The following CDH2 variants were observed in gnomAD, a reference collection of about 807,000 sequenced individuals.
The protein encoded by CDH2 is cadherin-2.
Under a neutral mutation model 92.0 loss-of-function variants are expected in CDH2, and 17 were observed. The ratio of observed to expected loss-of-function variants is 0.18; its 90% confidence interval spans 0.13 to 0.28. CDH2 has a LOEUF of 0.28. Ranked by LOEUF, CDH2 falls within the 10% of genes least tolerant of loss-of-function variation. CDH2 has a pLI of 1.00. For synonymous variants in CDH2, 419 were observed against 415.9 expected (o/e 1.01, Z -0.09); for missense variants, 862 against 1,133.1 (o/e 0.76, Z 3.44).
Position 27,990,689 on chromosome 18 carries a change from A to T in CDH2, c.1345-339T>A, listed in dbSNP as rs912257102. The stretch of plus-strand genomic sequence containing the variant: ...TAAAAATACTAAATAATATAAAGTC[A>T]AGTGAGAACATGATGGTCTAAATGT... On this transcript the variant is annotated intron_variant, in intron 9 of 15. Transcript: ENST00000269141. Among the ~76,000 whole-genome samples the T allele has an allele frequency of 5.9e-5, 9 of 152,222 alleles. No homozygotes were observed. In the South Asian group the frequency reaches 1.7e-3, roughly 28 times the overall value.
At chr18:28,001,059 T>A (rs540457404) in intron 7 of CDH2, among the ~76,000 whole-genome samples, 1 of 152,204 alleles carries the variant, frequency 6.6e-6, no homozygotes, top group Admixed American at 6.5e-5. Flanking sequence ...AGTAACTCAT[T>A]GTTGTGTTTA....
intron 1 of CDH2, among the ~76,000 whole-genome samples, chr18:28,175,432 G>A (rs2016522987): frequency 1.3e-5 from 2 of 152,232 alleles, no homozygotes; most frequent in South Asian, 4.1e-4. Context: ...GGGGTGGGGA[G>A]AGACAAAGTG....
intron 1 of CDH2, among the ~76,000 whole-genome samples, chr18:28,168,850 A>T (rs1383973741): frequency 6.6e-6 from 1 of 151,886 alleles, no homozygotes; most frequent in African/African-American, 2.4e-5. Flanking sequence ...AGAAACTGAA[A>T]CTCTTCTTTA....
intron 2 of CDH2, chr18:28,146,845 T>C (rs1283242074): frequency 6.6e-6 from 1 of 152,110 alleles, no homozygotes; most frequent in African/African-American, 2.4e-5. Context: ...TTGTGGGGAA[T>C]TAAAATTTAA....
chr18:28,089,021 T>A (rs1314318100), intron 2 of CDH2, among the ~76,000 whole-genome samples: 2 of 152,200 alleles, frequency 1.3e-5, no homozygotes, highest in African/African-American at 4.8e-5. Context: ...GCCTACACAC[T>A]GTGATTTAGT....
chr18:28,133,851 TCA>T (rs1206742117), intron 2 of CDH2, among the ~76,000 whole-genome samples: 1 of 152,000 alleles, frequency 6.6e-6, no homozygotes, highest in Non-Finnish European at 1.5e-5. Flanking sequence ...TTGTCTTCTA[TCA>T]CCATGCATAG....
At chr18:28,098,869 C>T (rs764437273) in intron 2 of CDH2, among the ~76,000 whole-genome samples, 1 of 152,022 alleles carries the variant, frequency 6.6e-6, no homozygotes. Flanking sequence ...CAAGACAGTG[C>T]TATGTACATT....
chr18:28,162,376 G>A (rs1172621573), intron 1 of CDH2, among the ~76,000 whole-genome samples: 6 of 152,070 alleles, frequency 3.9e-5, no homozygotes, highest in African/African-American at 9.7e-5. Flanking sequence ...TAGATTGCTG[G>A]GTGAGTACAG....
intron 2 of CDH2, chr18:28,096,932 G>A (rs754392218): frequency 6.6e-6 from 1 of 152,202 alleles, no homozygotes; most frequent in Non-Finnish European, 1.5e-5. Context: ...CCAATGTAGT[G>A]AAAATATGCA....
intron 2 of CDH2, among the ~76,000 whole-genome samples, chr18:28,050,707 G>A (rs74456607): frequency 6.6e-6 from 1 of 152,068 alleles, no homozygotes; most frequent in Non-Finnish European, 1.5e-5. Flanking sequence ...GCTCTGCAGG[G>A]ACTCATCTAG....
chr18:28,019,867 A>T (rs1395575427), intron 2 of CDH2, among the ~76,000 whole-genome samples: 2 of 152,154 alleles, frequency 1.3e-5, no homozygotes, highest in African/African-American at 4.8e-5. Flanking sequence ...ATATTTAATC[A>T]GTTGGGTCAA....
At chr18:28,105,738 T>G (rs915648428) in intron 2 of CDH2, among the ~76,000 whole-genome samples, 1 of 152,158 alleles carries the variant, frequency 6.6e-6, no homozygotes, top group South Asian at 2.1e-4. Context: ...TCCACCCACA[T>G]CAATGTATAG....
chr18:28,073,881 G>A (rs576082422), intron 2 of CDH2, among the ~76,000 whole-genome samples: 1 of 152,184 alleles, frequency 6.6e-6, no homozygotes, highest in South Asian at 2.1e-4. Context: ...CCTTGCTCCT[G>A]GGGTTGCTGC....
chr18:28,086,931 C>A (rs895450731), intron 2 of CDH2, among the ~76,000 whole-genome samples: 2 of 152,140 alleles, frequency 1.3e-5, no homozygotes, highest in African/African-American at 4.8e-5. Flanking sequence ...GGTTTTATAA[C>A]ACAATGCTCT....
chr18:28,169,158 A>G (rs1326281460), intron 1 of CDH2, among the ~76,000 whole-genome samples: 2 of 152,146 alleles, frequency 1.3e-5, no homozygotes, highest in African/African-American at 2.4e-5. Flanking sequence ...AAACTCTTTA[A>G]AGAGGCAGCA....
intron 2 of CDH2, among the ~76,000 whole-genome samples, chr18:28,015,317 T>A (rs1238364180): frequency 6.6e-6 from 1 of 152,206 alleles, no homozygotes; most frequent in East Asian, 1.9e-4. Flanking sequence ...CATATTTCAA[T>A]CATTTCAAAG....
At chr18:28,131,683 GGTGTGT>G (rs33990872) in intron 2 of CDH2, among the ~76,000 whole-genome samples, 1 of 150,196 alleles carries the variant, frequency 6.7e-6, no homozygotes, top group African/African-American at 2.4e-5. Context: ...AAGCATTTGT[GGTGTGT>G]GTGTGTGTGT....
At chr18:28,161,909 C>T (rs2016311890) in intron 1 of CDH2, among the ~76,000 whole-genome samples, 1 of 152,174 alleles carries the variant, frequency 6.6e-6, no homozygotes, top group Non-Finnish European at 1.5e-5. Context: ...AGCCACGCCA[C>T]CTATGTCATG....
chr18:28,052,411 T>C (rs562537386), intron 2 of CDH2, among the ~76,000 whole-genome samples: 12 of 152,210 alleles, frequency 7.9e-5, no homozygotes, highest in Non-Finnish European at 1.5e-4. Context: ...AACTTCTCAG[T>C]GTCCTTTGTC....
Sources: allele counts gnomAD v4.1 joint callset (sites outside exome capture counted in the v4.1 genomes callset), GRCh38; gene constraint gnomAD v4.1.1; transcripts MANE v1.5; gene names NCBI Gene and HGNC (gene_info 2026-07-23, HGNC 2026-07-21).